Variants in TOMM40 observed in about 807,000 individuals in gnomAD.
The protein encoded by TOMM40 is mitochondrial import receptor subunit TOM40 homolog.
In TOMM40, 9 loss-of-function variants were observed where a neutral mutation model predicts 38.4. That is an observed-to-expected ratio of 0.23 (90% CI 0.14 to 0.41). TOMM40 has a LOEUF of 0.41. Among genes scored for constraint, TOMM40 ranks in the 10% least tolerant of loss-of-function variants. TOMM40 has a pLI of 1.00. For synonymous variants in TOMM40, 184 were observed against 210.0 expected (o/e 0.88, Z 1.07); for missense variants, 299 against 486.5 (o/e 0.61, Z 3.63).
chr19:44,893,199 G>A (rs1167309762), intron 3 of TOMM40, among the ~76,000 whole-genome samples: 1 of 152,212 alleles, frequency 6.6e-6, no homozygotes. Flanking sequence ...GACCCAGGGT[G>A]GAAAGGGCTG....
chr19:44,891,462 C>G lies in TOMM40; in HGVS notation c.47C>G (p.Pro16Arg). The change falls in exon 1 of 9, where the codon CCG (proline) becomes CGG (arginine). Residue 16 changes from proline (P) to arginine (R), a missense_variant. Physicochemically the swap from Pro to Arg is moderately radical, Grantham distance 103 (BLOSUM62 -2). Transcript: ENST00000426677. ...AGCTCGCCGCCCGCAGGGCCGCCAC[C>G]GCCGCCTGCGCCGGCCCTCGTGGGG... ...AASSPPAGPP[P>R]PPAPALVGLP... 5 of 1,299,684 alleles carry G rather than the reference C, an allele frequency of 3.8e-6. No homozygotes were observed. The highest frequency in any genetic ancestry group is 3.1e-5 in the East Asian group (1 of 31,816). The allele number at this position is 1,299,684 out of a possible 1,614,324, so 80.5% of individuals were successfully genotyped here. A position where few individuals can be genotyped will look rare whatever the true frequency, so the allele number is the denominator to read the frequency against.
chr19:44,897,059 G>A (rs773808211), intron 5 of TOMM40, among the ~76,000 whole-genome samples: 2 of 152,122 alleles, frequency 1.3e-5, no homozygotes, highest in Non-Finnish European at 2.9e-5. Flanking sequence ...CCTTGCAGGT[G>A]TGCTGAGGAA....
intron 5 of TOMM40, among the ~76,000 whole-genome samples, chr19:44,895,128 G>A (rs1969541142): frequency 6.6e-6 from 1 of 152,206 alleles, no homozygotes; most frequent in Non-Finnish European, 1.5e-5. Flanking sequence ...CTTGAGCGCT[G>A]AGTCCTGAGT....
At chr19:44,899,908 G>A (rs557211543) in intron 5 of TOMM40, among the ~76,000 whole-genome samples, 1 of 147,374 alleles carries the variant, frequency 6.8e-6, no homozygotes, top group South Asian at 2.2e-4. Context: ...CTCCCAAATA[G>A]CTGGGATTAC....
At position 44,891,309 on chromosome 19, in the gene TOMM40, C is replaced by G; in HGVS notation, c.-107C>G. 1 of 1,204,388 alleles carries G rather than the reference C, an allele frequency of 8.3e-7. No homozygotes were observed. Among genetic ancestry groups the G allele is most frequent in the Non-Finnish European group, 1.0e-6 (1 of 969,520 alleles). 74.6% of individuals were successfully genotyped at this position (1,204,388 alleles called of 1,614,324 possible). A position where few individuals can be genotyped will look rare whatever the true frequency, so the allele number is the denominator to read the frequency against. ...GAGCCCAGGCCGGGAGCAGGCGCCG[C>G]CGCCAGTGAGAACCGGGGCCGGAGC... On this transcript the variant is annotated 5_prime_UTR_variant, in exon 1 of 9. Coordinates refer to ENST00000426677, the MANE Select transcript of TOMM40 (RefSeq NM_001128917.2).
chr19:44,898,827 C>T (rs984106843), intron 5 of TOMM40, among the ~76,000 whole-genome samples: 2 of 151,636 alleles, frequency 1.3e-5, no homozygotes, highest in African/African-American at 2.4e-5. Flanking sequence ...TGTGAGCCAC[C>T]GTGCCCAGCC....
intron 5 of TOMM40, among the ~76,000 whole-genome samples, chr19:44,897,756 A>T (rs1219884770): frequency 1.4e-5 from 2 of 147,474 alleles, no homozygotes; most frequent in Admixed American, 6.8e-5. Context: ...CCTGGGCAAC[A>T]AGAGCAAAAC....
At position 44,894,748 on chromosome 19, in the gene TOMM40, T is replaced by C. The variant is rs532401441; in HGVS notation, c.643+682T>C. On this transcript the variant is annotated intron_variant, in intron 5 of 8. Coordinates refer to ENST00000426677, the MANE Select transcript of TOMM40 (RefSeq NM_001128917.2). The stretch of plus-strand genomic sequence containing the variant: ...TGGCCAGGGAAACAGCTTTTCAGCC[T>C]GCAAGTAGTGCAGTCGGGACTCGTG... 3.9e-5 allele frequency among the ~76,000 whole-genome samples: 6 copies of C among 152,308 alleles called. No individual in the cohort carries two copies. In the South Asian group the frequency reaches 1.2e-3, roughly 32 times the overall value.
intron 6 of TOMM40, 71 bp downstream of exon 6, chr19:44,900,923 C>T (rs555594744): frequency 1.2e-5 from 19 of 1,606,244 alleles, no homozygotes; most frequent in East Asian, 8.9e-5. Context: ...TGAGGGAGGA[C>T]GGGCTAGGGC....
chr19:44,900,789 C>T lies in TOMM40; in HGVS notation c.703C>T (p.Leu235=), dbSNP rs750060016. 4 of 1,613,776 alleles carry T rather than the reference C, an allele frequency of 2.5e-6. No individual in the cohort carries two copies. In the Admixed American group the frequency reaches 6.7e-5, roughly 27 times the overall value. ...GCCTTGCCTGGCCCTGGGTGGAGAG[C>T]TGGTCTACCACCGGCGGCCTGGAGA... ...ITPCLALGGE[L]VYHRRPGEEG... The change falls in exon 6 of 9, where the codon CTG becomes TTG. Residue 235 remains leucine (L), a synonymous_variant. Transcript: ENST00000426677.
chr19:44,895,411 A>G (rs1969546631), intron 5 of TOMM40, among the ~76,000 whole-genome samples: 1 of 152,108 alleles, frequency 6.6e-6, no homozygotes, highest in Non-Finnish European at 1.5e-5. Flanking sequence ...AGGTGCAGAG[A>G]GGCCTCCTAG....
At chr19:44,892,971 A>C in intron 3 of TOMM40, 42 bp downstream of exon 3, 1 of 1,536,580 alleles carries the variant, frequency 6.5e-7, no homozygotes, top group Non-Finnish European at 8.9e-7. Context: ...CCTTCTAATA[A>C]CAAATTTGTA....
Position 44,892,864 on chromosome 19 carries a change from A to T in TOMM40, c.370A>T (p.Ile124Phe). ...CAACCACACAGTAGCCCTCAGCACAATCGGGGAGTCCAACTACCACTTCGG... is the reference window on the plus strand; with the variant it reads ...CAACCACACAGTAGCCCTCAGCACATTCGGGGAGTCCAACTACCACTTCGG... ...QVNHTVALST[I>F]GESNYHFGVT... The change falls in exon 3 of 9, where the codon ATC becomes TTC. Residue 124 changes from isoleucine (I) to phenylalanine (F), a missense_variant. Coordinates refer to ENST00000426677, the MANE Select transcript of TOMM40 (RefSeq NM_001128917.2). The T allele has an allele frequency of 2.5e-6, 4 of 1,613,924 alleles. No individual in the cohort carries two copies. The highest frequency in any genetic ancestry group is 3.4e-6 in the Non-Finnish European group (4 of 1,179,876).
chr19:44,901,471 G>A (rs555880761), intron 8 of TOMM40, 161 bp downstream of exon 8: 31 of 1,464,450 alleles, frequency 2.1e-5, no homozygotes, highest in Middle Eastern at 2.0e-4. Flanking sequence ...GGCCGGGTGC[G>A]GTGGCTCACG....
chr19:44,898,461 T>A (rs1228329411), intron 5 of TOMM40, among the ~76,000 whole-genome samples: 1 of 151,562 alleles, frequency 6.6e-6, no homozygotes, highest in Non-Finnish European at 1.5e-5. Context: ...CAACTGTGAA[T>A]CTTCAGTCCC....
chr19:44,892,405 T>A lies in TOMM40; in HGVS notation c.287T>A (p.Ile96Asn), dbSNP rs762543781. The A allele has an allele frequency of 2.9e-5, 46 of 1,613,586 alleles. No individual in the cohort carries two copies. The highest frequency in any genetic ancestry group is 3.7e-5 in the Non-Finnish European group (44 of 1,180,008). ...CHRKCKELFP[I>N]QMEGVKLTVN... Reference sequence around the variant, plus strand: ...TTCTCTTCTCCAGAGCTGTTTCCCATTCAGATGGAGGGTGTCAAGCTCACA... The same window carrying A: ...TTCTCTTCTCCAGAGCTGTTTCCCAATCAGATGGAGGGTGTCAAGCTCACA... Residue 96 changes from isoleucine (I) to asparagine (N), a missense_variant, in exon 2 of 9, where the codon ATT becomes AAT. Coordinates refer to ENST00000426677, the MANE Select transcript of TOMM40 (RefSeq NM_001128917.2).
At chr19:44,895,473 A>G (rs966616376) in intron 5 of TOMM40, among the ~76,000 whole-genome samples, 3 of 152,056 alleles carry the variant, frequency 2.0e-5, no homozygotes, top group Admixed American at 6.6e-5. Flanking sequence ...CCTGTCCCCA[A>G]CTCACCTGGT....
chr19:44,898,871 G>A (rs1451088194), intron 5 of TOMM40, among the ~76,000 whole-genome samples: 7 of 151,502 alleles, frequency 4.6e-5, no homozygotes, highest in East Asian at 2.0e-4. Context: ...TAGGCCGGGC[G>A]CGGTGGCTCA....
intron 7 of TOMM40, 45 bp downstream of exon 7, chr19:44,901,149 G>T (rs1969673780): frequency 3.1e-6 from 5 of 1,613,256 alleles, no homozygotes; most frequent in East Asian, 2.2e-5. Context: ...GGGCTGCTGG[G>T]CCTGGAAGTC....
Sources: gnomAD v4.1 joint callset for allele counts (sites outside exome capture counted in the v4.1 genomes callset) on GRCh38, gnomAD v4.1.1 for gene constraint, MANE v1.5 for transcripts, NCBI Gene and HGNC (gene_info 2026-07-23, HGNC 2026-07-21) for gene names.